Variants in ERC1 observed in about 807,000 individuals in gnomAD.
The protein encoded by ERC1 is ELKS/RAB6-interacting/CAST family member 1, also known as RAB6 interacting protein 2.
A neutral mutation model predicts 132.0 loss-of-function variants in ERC1; 56 were observed. The observed-to-expected ratio is 0.42, with a 90% CI of 0.34 to 0.53. The LOEUF (loss-of-function observed/expected upper bound fraction) is 0.53. Among genes scored for constraint, ERC1 ranks in the 20% least tolerant of loss-of-function variants. The pLI is 0.03. For missense variants in ERC1, 1,202 were observed against 1,349.9 expected (o/e 0.89, Z 1.72); for synonymous variants, 478 against 476.1 (o/e 1.00, Z -0.05).
intron 8 of ERC1, among the ~76,000 whole-genome samples, chr12:1,168,702 G>A (rs1357683848): frequency 6.6e-6 from 1 of 151,960 alleles, no homozygotes; most frequent in Non-Finnish European, 1.5e-5. Context: ...GGTCAGGCTG[G>A]TCTTGAACTC....
intron 18 of ERC1, among the ~76,000 whole-genome samples, chr12:1,470,743 C>T (rs2093843918): frequency 6.6e-6 from 1 of 152,222 alleles, no homozygotes; most frequent in Non-Finnish European, 1.5e-5. Context: ...GGGAAATCTG[C>T]TTCTTTGTTT....
intron 8 of ERC1, among the ~76,000 whole-genome samples, chr12:1,168,479 C>CTTTTTT (rs746267742): frequency 1.1e-5 from 1 of 91,984 alleles, no homozygotes; most frequent in Admixed American, 1.1e-4. Context: ...AGTGACTGGT[C>CTTTTTT]TTTTTTTTTT....
At chr12:1,062,205 G>C (rs1343440235) in intron 2 of ERC1, among the ~76,000 whole-genome samples, 1 of 151,982 alleles carries the variant, frequency 6.6e-6, no homozygotes, top group Non-Finnish European at 1.5e-5. Flanking sequence ...GGATGGTCTT[G>C]ATCTCCAGAC....
chr12:1,023,453 G>A (rs1160889803), intron 1 of ERC1, among the ~76,000 whole-genome samples: 1 of 151,988 alleles, frequency 6.6e-6, no homozygotes, highest in African/African-American at 2.4e-5. Context: ...TTTTGGAATG[G>A]GGAGACCTTG....
intron 7 of ERC1, among the ~76,000 whole-genome samples, chr12:1,132,142 A>C (rs1948825782): frequency 6.6e-6 from 1 of 152,182 alleles, no homozygotes; most frequent in Non-Finnish European, 1.5e-5. Flanking sequence ...CAGAGCAATT[A>C]ATCTGGTAGT....
chr12:1,019,564 T>C (rs1470141567), intron 1 of ERC1, among the ~76,000 whole-genome samples: 1 of 152,188 alleles, frequency 6.6e-6, no homozygotes, highest in Non-Finnish European at 1.5e-5. Flanking sequence ...AATGACATCA[T>C]CCTTTTATGG....
intron 18 of ERC1, among the ~76,000 whole-genome samples, chr12:1,486,479 C>T (rs112726190): frequency 6.6e-6 from 1 of 151,934 alleles, no homozygotes; most frequent in Non-Finnish European, 1.5e-5. Context: ...GGCTGGAGTA[C>T]AGTGGCACGA....
chr12:1,349,536 C>T (rs911601029), intron 15 of ERC1, among the ~76,000 whole-genome samples: 9 of 151,782 alleles, frequency 5.9e-5, no homozygotes, highest in South Asian at 2.1e-4. Flanking sequence ...TAGTGCCATA[C>T]GTCTGTAGTC....
intron 16 of ERC1, 39 bp downstream of exon 16, chr12:1,372,016 CT>C (rs1290407745): frequency 6.2e-7 from 1 of 1,605,862 alleles, no homozygotes; most frequent in African/African-American, 1.3e-5. Context: ...GTGGGGCCAG[CT>C]TTCACACCAT....
chr12:1,400,609 C>T (rs1416406567), intron 16 of ERC1, among the ~76,000 whole-genome samples: 2 of 152,122 alleles, frequency 1.3e-5, no homozygotes, highest in Non-Finnish European at 2.9e-5. Flanking sequence ...TGTTCTGAGA[C>T]TGAGACTTAA....
At chr12:1,198,170 C>T (rs557844042) in intron 12 of ERC1, among the ~76,000 whole-genome samples, 2 of 152,226 alleles carry the variant, frequency 1.3e-5, no homozygotes, top group African/African-American at 4.8e-5. Flanking sequence ...TCAAGTGATC[C>T]ATCTGCCTCT....
chr12:1,129,152 G>A (rs912585051), intron 7 of ERC1, among the ~76,000 whole-genome samples: 11 of 152,148 alleles, frequency 7.2e-5, no homozygotes, highest in African/African-American at 2.7e-4. Flanking sequence ...CCTACATACA[G>A]CATAGTGGAA....
chr12:1,023,577 T>C (rs1966679794), intron 1 of ERC1, among the ~76,000 whole-genome samples: 1 of 152,184 alleles, frequency 6.6e-6, no homozygotes, highest in Non-Finnish European at 1.5e-5. Flanking sequence ...AGTAAAAAAG[T>C]ACTGGAGAAG....
intron 15 of ERC1, among the ~76,000 whole-genome samples, chr12:1,368,851 T>C (rs1255733933): frequency 6.6e-6 from 1 of 152,208 alleles, no homozygotes; most frequent in Non-Finnish European, 1.5e-5. Context: ...ATATGTGCAA[T>C]ATATAATCAA....
intron 14 of ERC1, 30 bp downstream of exon 14, chr12:1,263,195 G>C (rs1267637369): frequency 6.2e-7 from 1 of 1,610,434 alleles, no homozygotes; most frequent in African/African-American, 1.3e-5. Flanking sequence ...TCCAAGCAAT[G>C]CTGCTGGTTA....
chr12:1,128,714 A>G, intron 7 of ERC1, among the ~76,000 whole-genome samples: 2 of 152,368 alleles, frequency 1.3e-5, no homozygotes, highest in Middle Eastern at 3.4e-3. Flanking sequence ...TAGCTATTAT[A>G]ATTAATAAAT....
chr12:1,328,415 A>G (rs1204738599), intron 15 of ERC1, among the ~76,000 whole-genome samples: 5 of 151,220 alleles, frequency 3.3e-5, no homozygotes, highest in Non-Finnish European at 5.9e-5. Context: ...AAGTGCTGGG[A>G]TTACAGACAT....
intron 2 of ERC1, among the ~76,000 whole-genome samples, chr12:1,030,409 A>G (rs2154151900): frequency 6.6e-6 from 1 of 152,312 alleles, no homozygotes; most frequent in Middle Eastern, 3.4e-3. Flanking sequence ...CTCATGTATC[A>G]CTGTGGTCCC....
At position 1,491,545 on chromosome 12, in the gene ERC1, G is replaced by A. The variant is rs1476996826; in HGVS notation, c.*1315G>A. ...TAAATAGCATGTCCTTCCCCTCCCC[G>A]ATCTTAAGGTGTGTTTTCTAGAAAA... On this transcript the variant is annotated 3_prime_UTR_variant, in exon 19 of 19. Coordinates refer to ENST00000360905, the MANE Select transcript of ERC1 (RefSeq NM_178040.4). 1.3e-5 allele frequency: 3 copies of A among 229,880 alleles called. No individual in the cohort carries two copies. Among genetic ancestry groups the A allele is most frequent in the Middle Eastern group, 1.3e-3 (1 of 776 alleles). The allele number at this position is 229,880 out of a possible 1,614,324, so 14.2% of individuals were successfully genotyped here.
Sources: gnomAD v4.1 joint callset for allele counts (sites outside exome capture counted in the v4.1 genomes callset) on GRCh38, gnomAD v4.1.1 for gene constraint, MANE v1.5 for transcripts, NCBI Gene and HGNC (gene_info 2026-07-23, HGNC 2026-07-21) for gene names.